TPX2: variants seen among roughly 807,000 people sequenced by gnomAD.
The protein encoded by TPX2 is TPX2 microtubule nucleation factor, also known as targeting protein for Xklp2.
Under a neutral mutation model 93.6 loss-of-function variants are expected in TPX2, and 21 were observed. The observed-to-expected ratio is 0.22, with a 90% CI of 0.16 to 0.32. TPX2 has a LOEUF of 0.32. Among genes scored for constraint, TPX2 ranks in the 10% least tolerant of loss-of-function variants. TPX2 has a pLI of 1.00. For synonymous variants in TPX2, 281 were observed against 298.3 expected, an observed-to-expected ratio of 0.94 and a Z score of 0.60; for missense variants, 776 against 871.1, an observed-to-expected ratio of 0.89 and a Z score of 1.37.
In TPX2 at chr20:31,754,875, T is replaced by TG. The variant is rs2061841819; in HGVS notation, c.-70-2532_-70-2531insG. Among the ~76,000 whole-genome samples the TG allele has an allele frequency of 2.0e-5, 3 of 152,302 alleles. No homozygotes were observed. The East Asian group carries it at 5.8e-4, about 29-fold the overall frequency. On this transcript the variant is annotated intron_variant, in intron 2 of 17. Transcript: ENST00000300403. The stretch of plus-strand genomic sequence containing the variant: ...TGAAGCAGATTCAAACTGTCAATGA[T>TG]TCATTTAAAAAAATAATAGTTTGTA...
chr20:31,783,658 A>G (rs369216454), intron 11 of TPX2, 47 bp from the exon 12 acceptor site: 1 of 1,558,104 alleles, frequency 6.4e-7, no homozygotes, highest in Non-Finnish European at 8.7e-7. Flanking sequence ...TGAAGTTTTC[A>G]TTTTATTAAA....
Position 31,760,085 on chromosome 20 carries a change from A to G in TPX2, c.135A>G (p.Leu45=), listed in dbSNP as rs2061879619. ...FEEKANLENK[L]LGKNGTGGLF... Reference sequence around the variant, plus strand: ...AGAAGGCCAATTTGGAGAATAAGTTACTGGGGAAGAATGGAACTGGAGGGC... The same window carrying G: ...AGAAGGCCAATTTGGAGAATAAGTTGCTGGGGAAGAATGGAACTGGAGGGC... Residue 45 remains leucine, a synonymous_variant, in exon 4 of 18, where the codon TTA becomes TTG. Coordinates refer to ENST00000300403, the MANE Select transcript of TPX2 (RefSeq NM_012112.5). The G allele has an allele frequency of 1.2e-6, 2 of 1,613,900 alleles. No individual in the cohort carries two copies. Among genetic ancestry groups the G allele is most frequent in the East Asian group, 2.2e-5 (1 of 44,866 alleles).
intron 2 of TPX2, among the ~76,000 whole-genome samples, chr20:31,747,414 G>A (rs1221448513): frequency 3.9e-5 from 6 of 152,078 alleles, no homozygotes; most frequent in African/African-American, 9.7e-5. Context: ...CACTGTGCCC[G>A]GCCGAGATTT....
At chr20:31,776,550 A>G in intron 8 of TPX2, among the ~76,000 whole-genome samples, 1 of 148,616 alleles carries the variant, frequency 6.7e-6, no homozygotes, top group Non-Finnish European at 1.5e-5. Flanking sequence ...TCTGAGACAG[A>G]GTTTTGCTCT....
intron 4 of TPX2, among the ~76,000 whole-genome samples, chr20:31,764,881 T>C (rs1184062832): frequency 3.9e-5 from 6 of 152,192 alleles, no homozygotes; most frequent in African/African-American, 1.4e-4. Flanking sequence ...AGGAGTCAGT[T>C]CATATGCTAT....
At position 31,778,814 on chromosome 20, in the gene TPX2, C is replaced by A; in HGVS notation, c.884C>A (p.Ala295Asp). ...GGGGAACAACTTTTCTCTTTACAGG[C>A]CCGAGTGACTAAGGGATGTACCATT... ...SELRKHPSSP[A>D]RVTKGCTIVK... Residue 295 changes from alanine to aspartate, a missense_variant and splice_region_variant, in exon 10 of 18, where the codon GCC (alanine) becomes GAC (aspartate). Around this residue, in one of 3 missense-constraint regions of TPX2, gnomAD observed 461 missense variants for 551.2 expected, o/e 0.84. Coordinates refer to ENST00000300403, the MANE Select transcript of TPX2 (RefSeq NM_012112.5). The A allele has an allele frequency of 6.4e-7, 1 of 1,563,844 alleles. No individual in the cohort carries two copies. Among genetic ancestry groups the A allele is most frequent in the Non-Finnish European group, 8.6e-7 (1 of 1,160,138 alleles).
At chr20:31,764,191 A>T (rs967692227) in intron 4 of TPX2, among the ~76,000 whole-genome samples, 1 of 151,810 alleles carries the variant, frequency 6.6e-6, no homozygotes, top group African/African-American at 2.4e-5. Context: ...TATTTTTGAG[A>T]CAGGGTCTCA....
chr20:31,770,284 C>T, intron 5 of TPX2, 59 bp from the exon 6 acceptor site: 1 of 1,188,666 alleles, frequency 8.4e-7, no homozygotes, highest in East Asian at 3.1e-5. Context: ...TTCTCAGGAA[C>T]ATTTGGATAT....
Position 31,776,064 on chromosome 20 carries a change from T to G in TPX2, c.730+76T>G, listed in dbSNP as rs980410574. On this transcript the variant is annotated intron_variant, in intron 8 of 17. Transcript: ENST00000300403. Reference sequence around the variant, plus strand: ...TCTTGGTAGGTGTTTTTTTTTTTTTTTTTTTTTTTTTTTTTTTTTTTTTTT... The same window carrying G: ...TCTTGGTAGGTGTTTTTTTTTTTTTGTTTTTTTTTTTTTTTTTTTTTTTTT... 146 of 506,058 alleles carry G rather than the reference T, an allele frequency of 2.9e-4. No homozygotes were observed. The African/African-American group carries it at 0.017, about 60-fold the overall frequency. 31.3% of individuals were successfully genotyped at this position (506,058 alleles called of 1,614,324 possible).
Position 31,756,412 on chromosome 20 carries a change from G to A in TPX2, c.-70-995G>A, listed in dbSNP as rs117367234. 1.8e-4 allele frequency among the ~76,000 whole-genome samples: 27 copies of A among 151,816 alleles called. No individual in the cohort carries two copies. The East Asian group carries it at 5.3e-3, about 30-fold the overall frequency. ...TGATGGATAAGATTTTGGTTGGTAG[G>A]CATAAAAATTAGTGGTGTATTTTAG... On this transcript the variant is annotated intron_variant, in intron 2 of 17. Transcript: ENST00000300403.
chr20:31,743,184 C>T (rs1324805702), intron 2 of TPX2, among the ~76,000 whole-genome samples: 10 of 152,156 alleles, frequency 6.6e-5, no homozygotes, highest in Non-Finnish European at 1.5e-4. Context: ...CACTGCACTC[C>T]AGCCAGCAAG....
intron 5 of TPX2, among the ~76,000 whole-genome samples, chr20:31,767,045 AC>A (rs1353359540): frequency 6.6e-6 from 1 of 151,572 alleles, no homozygotes; most frequent in East Asian, 1.9e-4. Flanking sequence ...CAGGTGACCC[AC>A]CCGCCTCAGC....
chr20:31,740,309 C>T (rs2061746494), intron 1 of TPX2, among the ~76,000 whole-genome samples: 1 of 152,212 alleles, frequency 6.6e-6, no homozygotes, highest in Admixed American at 6.5e-5. Flanking sequence ...CTGCTTCACC[C>T]TTACCTTTTC....
chr20:31,743,084 C>G (rs770174452), intron 2 of TPX2, among the ~76,000 whole-genome samples: 1 of 151,996 alleles, frequency 6.6e-6, no homozygotes, highest in African/African-American at 2.4e-5. Flanking sequence ...TGTGGTGGTG[C>G]GCATCTGTAA....
At chr20:31,798,646 C>G in intron 17 of TPX2, 94 bp downstream of exon 17, 1 of 1,393,710 alleles carries the variant, frequency 7.2e-7, no homozygotes, top group East Asian at 2.5e-5. Context: ...TAAGGTAGCC[C>G]GCAAGGCTGT....
In TPX2 at chr20:31,763,684, CTTTAA is replaced by C. The variant is rs1308198120; in HGVS notation, c.230-2861_230-2857del. Among the ~76,000 whole-genome samples, 134 of 149,280 alleles carry C rather than the reference CTTTAA, an allele frequency of 9.0e-4. 1 individual carries two copies. Among genetic ancestry groups the C allele is most frequent in the Non-Finnish European group, 1.1e-3 (71 of 67,418 alleles). On this transcript the variant is annotated intron_variant, in intron 4 of 17. Transcript: ENST00000300403. Reference sequence around the variant, plus strand: ...TTATGTCACGTTGATGAATTGGCCACTTTAATTTAATTTAAATTTAATTTAATTTA... The same window carrying C: ...TTATGTCACGTTGATGAATTGGCCACTTTAATTTAAATTTAATTTAATTTA...
At chr20:31,780,998 C>T in intron 10 of TPX2, 1 of 382,982 alleles carries the variant, frequency 2.6e-6, no homozygotes, top group South Asian at 1.9e-5. Flanking sequence ...TGGCTCACTT[C>T]AGTGTCCAAC....
Position 31,750,374 on chromosome 20 carries a change from G to A in TPX2, c.-70-7033G>A, listed in dbSNP as rs550467167. Among the ~76,000 whole-genome samples, 381 of 152,054 alleles carry A rather than the reference G, an allele frequency of 2.5e-3. 1 individual carries two copies. The highest frequency in any genetic ancestry group is 8.5e-3 in the African/African-American group (353 of 41,478). On this transcript the variant is annotated intron_variant, in intron 2 of 17. Coordinates refer to ENST00000300403, the MANE Select transcript of TPX2 (RefSeq NM_012112.5). Reference sequence around the variant, plus strand: ...GTTTCTCCATTTTGAGGCTGGTCTCGAACTCCTGACCTCAGGCGATCCGCC... The same window carrying A: ...GTTTCTCCATTTTGAGGCTGGTCTCAAACTCCTGACCTCAGGCGATCCGCC...
chr20:31,799,569 G>A (rs141240882), intron 17 of TPX2, among the ~76,000 whole-genome samples: 16 of 151,990 alleles, frequency 1.1e-4, no homozygotes, highest in South Asian at 2.1e-4. Flanking sequence ...AAACATCAGC[G>A]GTACACAATA....
Sources: gnomAD v4.1 joint callset for allele counts (sites outside exome capture counted in the v4.1 genomes callset) on GRCh38, gnomAD v4.1.1 for gene constraint, gnomAD v4.1.1 regional missense constraint, MANE v1.5 for transcripts, NCBI Gene and HGNC (gene_info 2026-07-23, HGNC 2026-07-21) for gene names.